DGKB: variants seen among roughly 807,000 people sequenced by gnomAD.
DGKB encodes diacylglycerol kinase beta.
DGKB carries 67 observed loss-of-function variants against 114.3 expected under a neutral mutation model. The observed-to-expected ratio is 0.59, with a 90% CI of 0.48 to 0.72. The LOEUF (loss-of-function observed/expected upper bound fraction) is 0.72, where lower values mean the gene tolerates loss of function less well. Among genes scored for constraint, DGKB ranks in the 30% least tolerant of loss-of-function variants. The pLI is 0.00. For synonymous variants in DGKB, 398 were observed against 323.1 expected, an observed-to-expected ratio of 1.23 and a Z score of -2.49; for missense variants, 907 against 975.2, an observed-to-expected ratio of 0.93 and a Z score of 0.93.
chr7:14,424,382 C>T (rs990904176), intron 21 of DGKB, among the ~76,000 whole-genome samples: 2 of 150,516 alleles, frequency 1.3e-5, no homozygotes, highest in African/African-American at 4.9e-5. Flanking sequence ...TCCAGATTTC[C>T]ACCTGTCCCA....
At chr7:14,590,449 G>C (rs576194616) in intron 17 of DGKB, among the ~76,000 whole-genome samples, 1 of 151,948 alleles carries the variant, frequency 6.6e-6, no homozygotes, top group Non-Finnish European at 1.5e-5. Flanking sequence ...CCATGATGAT[G>C]TTTCATCTGT....
At chr7:14,557,348 T>G (rs1258149335) in intron 20 of DGKB, among the ~76,000 whole-genome samples, 1 of 152,198 alleles carries the variant, frequency 6.6e-6, no homozygotes, top group Non-Finnish European at 1.5e-5. Flanking sequence ...GTCTTTAAAT[T>G]TATTATGCTG....
At position 14,891,313 on chromosome 7, in the gene DGKB, T is replaced by C. The variant is rs1802000532; in HGVS notation, c.-188+11279A>G. Among the ~76,000 whole-genome samples, 3 of 151,486 alleles carry C rather than the reference T, an allele frequency of 2.0e-5. No homozygotes were observed. The Admixed American group carries it at 2.0e-4, about 10-fold the overall frequency. On this transcript the variant is annotated intron_variant, in intron 1 of 25. Coordinates refer to ENST00000402815, the MANE Select transcript of DGKB (RefSeq NM_001350709.2). ...ACTGTTGACCCAGAGAGATGCTTTA[T>C]GAGATAACTCATCATCCCTAATCAA... is the stretch of plus-strand genomic sequence containing the variant.
chr7:14,170,020 G>A (rs1046835179), intron 25 of DGKB, among the ~76,000 whole-genome samples: 1 of 151,580 alleles, frequency 6.6e-6, no homozygotes, highest in Non-Finnish European at 1.5e-5. Context: ...TGTAATCCCA[G>A]CTACTTGGGA....
chr7:14,710,850 A>G (rs1353230027), intron 6 of DGKB, among the ~76,000 whole-genome samples: 1 of 152,098 alleles, frequency 6.6e-6, no homozygotes, highest in Non-Finnish European at 1.5e-5. Flanking sequence ...AATAATCCCA[A>G]ATTGAACCTG....
At chr7:14,883,435 A>G (rs1179360728) in intron 1 of DGKB, among the ~76,000 whole-genome samples, 3 of 151,978 alleles carry the variant, frequency 2.0e-5, no homozygotes, top group Non-Finnish European at 4.4e-5. Flanking sequence ...GCACATTGTA[A>G]CACAAAATAT....
chr7:14,292,284 G>A (rs1449395658), intron 23 of DGKB, among the ~76,000 whole-genome samples: 7 of 152,062 alleles, frequency 4.6e-5, no homozygotes, highest in East Asian at 3.9e-4. Flanking sequence ...TCCTTCCTAC[G>A]GGGTCTTCTC....
chr7:14,300,270 C>A (rs905795940), intron 23 of DGKB, among the ~76,000 whole-genome samples: 5 of 151,966 alleles, frequency 3.3e-5, no homozygotes, highest in African/African-American at 1.2e-4. Flanking sequence ...CCTCATTTTT[C>A]CTATTTCATT....
intron 1 of DGKB, among the ~76,000 whole-genome samples, chr7:14,924,285 A>G (rs529780822): frequency 6.6e-6 from 1 of 152,222 alleles, no homozygotes; most frequent in African/African-American, 2.4e-5. Context: ...TAATATTGCT[A>G]TTGATTCAGC....
chr7:14,705,748 T>C (rs1317398713), intron 6 of DGKB, among the ~76,000 whole-genome samples: 1 of 151,540 alleles, frequency 6.6e-6, no homozygotes, highest in Non-Finnish European at 1.5e-5. Context: ...TAAAATACTT[T>C]ACAGACAAGC....
At chr7:14,298,492 T>C (rs10278880) in intron 23 of DGKB, among the ~76,000 whole-genome samples, 15,761 of 152,200 alleles carry the variant, frequency 0.1, 864 homozygotes, top group East Asian at 0.15. Flanking sequence ...TTGGGAAAAC[T>C]GGCTAACCAT....
intron 1 of DGKB, among the ~76,000 whole-genome samples, chr7:14,848,184 C>T (rs1289442469): frequency 6.6e-6 from 1 of 152,020 alleles, no homozygotes; most frequent in Non-Finnish European, 1.5e-5. Context: ...GAGCTGGTGG[C>T]TTTAGGGAAT....
Position 14,802,590 on chromosome 7 carries a change from G to A in DGKB, c.70+38604C>T, listed in dbSNP as rs555748891. On this transcript the variant is annotated intron_variant, in intron 2 of 25. Coordinates refer to ENST00000402815, the MANE Select transcript of DGKB (RefSeq NM_001350709.2). ...CTGAATTGAAGTCTTACCAAATTATGGTAGATGAAATTATCATCCTATTAG... is the reference window on the plus strand; with the variant it reads ...CTGAATTGAAGTCTTACCAAATTATAGTAGATGAAATTATCATCCTATTAG... Among the ~76,000 whole-genome samples, 570 of 152,036 alleles carry A rather than the reference G, an allele frequency of 3.7e-3. 2 individuals are homozygous for A. Among genetic ancestry groups the A allele is most frequent in the Middle Eastern group, 6.8e-3 (2 of 294 alleles).
At chr7:14,598,817 C>G (rs187049320) in intron 17 of DGKB, among the ~76,000 whole-genome samples, 1 of 152,204 alleles carries the variant, frequency 6.6e-6, no homozygotes. Flanking sequence ...CTTGGTAAAA[C>G]TGCTCATGCT....
intron 21 of DGKB, among the ~76,000 whole-genome samples, chr7:14,352,511 A>G (rs1813662725): frequency 6.6e-6 from 1 of 152,140 alleles, no homozygotes; most frequent in Admixed American, 6.5e-5. Flanking sequence ...TCATACAAAA[A>G]CGTACACAAA....
At chr7:14,767,819 A>T (rs1353728116) in intron 2 of DGKB, among the ~76,000 whole-genome samples, 1 of 151,976 alleles carries the variant, frequency 6.6e-6, no homozygotes, top group Non-Finnish European at 1.5e-5. Flanking sequence ...ATTTAAACCC[A>T]CGCTAGTTCA....
intron 17 of DGKB, among the ~76,000 whole-genome samples, chr7:14,596,975 G>A (rs1206114186): frequency 6.6e-6 from 1 of 152,154 alleles, no homozygotes; most frequent in African/African-American, 2.4e-5. Flanking sequence ...CTTGAAAGGA[G>A]TCCTTGCAAG....
intron 21 of DGKB, among the ~76,000 whole-genome samples, chr7:14,361,778 C>T (rs531377490): frequency 1.7e-4 from 26 of 152,050 alleles, no homozygotes; most frequent in East Asian, 7.7e-4. Flanking sequence ...TAAATGGAGA[C>T]GAATTCCAAT....
chr7:14,353,316 A>G (rs896934712), intron 21 of DGKB, among the ~76,000 whole-genome samples: 14 of 152,198 alleles, frequency 9.2e-5, no homozygotes, highest in Non-Finnish European at 1.9e-4. Flanking sequence ...ACTAAAGAAG[A>G]CAATGTAACC....
Sources: gnomAD v4.1 joint callset for allele counts (sites outside exome capture counted in the v4.1 genomes callset) on GRCh38, gnomAD v4.1.1 for gene constraint, MANE v1.5 for transcripts, NCBI Gene and HGNC (gene_info 2026-07-23, HGNC 2026-07-21) for gene names.